Variants in ZNF385B observed in about 807,000 individuals in gnomAD.
ZNF385B encodes the protein zinc finger protein 385B.
Under a neutral mutation model 39.2 loss-of-function variants are expected in ZNF385B, and 23 were observed. That is an observed-to-expected ratio of 0.59 (90% CI 0.42 to 0.83). The LOEUF (loss-of-function observed/expected upper bound fraction) is 0.83. Among genes scored for constraint, ZNF385B ranks in the 40% least tolerant of loss-of-function variants. The pLI, the probability that ZNF385B is intolerant of heterozygous loss-of-function variation, is 0.00. For synonymous variants in ZNF385B, 205 were observed against 222.6 expected, an observed-to-expected ratio of 0.92 and a Z score of 0.70; for missense variants, 552 against 598.9, an observed-to-expected ratio of 0.92 and a Z score of 0.82.
At chr2:179,795,964 A>G (rs1171427598) in intron 1 of ZNF385B, among the ~76,000 whole-genome samples, 1 of 152,234 alleles carries the variant, frequency 6.6e-6, no homozygotes, top group Non-Finnish European at 1.5e-5. Context: ...ACTATAGACT[A>G]TGCCAATTTA....
chr2:179,720,570 G>T (rs562214239), intron 3 of ZNF385B, among the ~76,000 whole-genome samples: 2 of 151,276 alleles, frequency 1.3e-5, no homozygotes, highest in South Asian at 2.1e-4. Flanking sequence ...AGGGAGGAAA[G>T]AAGGGAAAGA....
chr2:179,560,981 T>C (rs1263906019), intron 3 of ZNF385B, among the ~76,000 whole-genome samples: 1 of 152,196 alleles, frequency 6.6e-6, no homozygotes, highest in Non-Finnish European at 1.5e-5. Context: ...CTGCCATACA[T>C]GTGAAGGACA....
At chr2:179,842,473 C>T (rs1207873349) in intron 1 of ZNF385B, among the ~76,000 whole-genome samples, 1 of 152,164 alleles carries the variant, frequency 6.6e-6, no homozygotes, top group Admixed American at 6.5e-5. Flanking sequence ...TATGAGTTTT[C>T]CATTATCCAC....
intron 3 of ZNF385B, among the ~76,000 whole-genome samples, chr2:179,697,779 A>T (rs1237823824): frequency 2.0e-5 from 3 of 152,192 alleles, no homozygotes; most frequent in Admixed American, 1.3e-4. Context: ...TTCTGTAAGG[A>T]ATGAAATCAT....
chr2:179,776,724 G>A (rs1704343917), intron 1 of ZNF385B, among the ~76,000 whole-genome samples: 1 of 152,102 alleles, frequency 6.6e-6, no homozygotes, highest in African/African-American at 2.4e-5. Flanking sequence ...CTACACAGCT[G>A]GTTAAGATGT....
chr2:179,746,354 T>C (rs1702382387), intron 3 of ZNF385B, among the ~76,000 whole-genome samples: 1 of 152,158 alleles, frequency 6.6e-6, no homozygotes. Context: ...GGGACTTCGC[T>C]ATAGACAAAT....
chr2:179,447,576 G>C (rs937746683), intron 6 of ZNF385B, among the ~76,000 whole-genome samples: 2 of 152,116 alleles, frequency 1.3e-5, no homozygotes, highest in African/African-American at 4.8e-5. Context: ...TTCAAGACAG[G>C]CTCTGTTCAG....
At chr2:179,591,623 A>G (rs1397208413) in intron 3 of ZNF385B, among the ~76,000 whole-genome samples, 1 of 152,222 alleles carries the variant, frequency 6.6e-6, no homozygotes, top group Non-Finnish European at 1.5e-5. Context: ...TGGTGACCTC[A>G]GTACTTGGTG....
intron 3 of ZNF385B, among the ~76,000 whole-genome samples, chr2:179,663,983 A>C (rs1694830341): frequency 6.6e-6 from 1 of 152,012 alleles, no homozygotes. Flanking sequence ...AATTAAACTA[A>C]AGTTTTTCTG....
At position 179,557,330 on chromosome 2, in the gene ZNF385B, T is replaced by C. The variant is rs977502640; in HGVS notation, c.299-12361A>G. The stretch of plus-strand genomic sequence containing the variant: ...CATTTTAAAGAGAGTATTCATTTAA[T>C]TAAATGAGATTTTAATTTTACTGTT... On this transcript the variant is annotated intron_variant, in intron 3 of 9. Coordinates refer to ENST00000410066, the MANE Select transcript of ZNF385B (RefSeq NM_152520.6). Among the ~76,000 whole-genome samples the C allele has an allele frequency of 1.6e-4, 24 of 149,480 alleles. 1 individual carries two copies. Among genetic ancestry groups the C allele is most frequent in the African/African-American group, 6.0e-4 (24 of 39,710 alleles).
chr2:179,560,606 C>T (rs1559479821), intron 3 of ZNF385B, among the ~76,000 whole-genome samples: 1 of 152,016 alleles, frequency 6.6e-6, no homozygotes, highest in Non-Finnish European at 1.5e-5. Flanking sequence ...CCATAGTCTC[C>T]CTCTTTCCCA....
At chr2:179,482,302 A>C (rs545107809) in intron 6 of ZNF385B, among the ~76,000 whole-genome samples, 35 of 152,338 alleles carry the variant, frequency 2.3e-4, no homozygotes, top group Non-Finnish European at 4.0e-4. Context: ...AAAGAATCAG[A>C]AATGTGTGTG....
At chr2:179,747,199 C>T (rs188092433) in intron 3 of ZNF385B, among the ~76,000 whole-genome samples, 4 of 152,238 alleles carry the variant, frequency 2.6e-5, no homozygotes, top group South Asian at 4.1e-4. Context: ...CACACATTTA[C>T]GTAACACAGC....
At chr2:179,450,318 C>T (rs1357029983) in intron 6 of ZNF385B, among the ~76,000 whole-genome samples, 1 of 152,110 alleles carries the variant, frequency 6.6e-6, no homozygotes. Context: ...AACAGGCAAC[C>T]TACAGAATGG....
chr2:179,752,706 T>TGTG (rs1702755609), intron 3 of ZNF385B, among the ~76,000 whole-genome samples: 1 of 151,772 alleles, frequency 6.6e-6, no homozygotes, highest in Non-Finnish European at 1.5e-5. Context: ...CATTTTTTCA[T>TGTG]TTGTCTGGCT....
Position 179,583,440 on chromosome 2 carries a change from ATATT to A in ZNF385B, c.299-38475_299-38472del, listed in dbSNP as rs1470606426. 3.3e-5 allele frequency among the ~76,000 whole-genome samples: 5 copies of A among 152,184 alleles called. No individual in the cohort carries two copies. In the East Asian group the frequency reaches 7.7e-4, roughly 23 times the overall value. Reference sequence around the variant, plus strand: ...GTAACATTTATTGAGGACTTGCTATATATTAAGTACTTTATATATTTTCATTTAT... The same window carrying A: ...GTAACATTTATTGAGGACTTGCTATAAAGTACTTTATATATTTTCATTTAT... On this transcript the variant is annotated intron_variant, in intron 3 of 9. Transcript: ENST00000410066.
chr2:179,559,283 A>C lies in ZNF385B; in HGVS notation c.299-14314T>G, dbSNP rs142317099. ...TGAGCTCACCCTTTTCCTGAGAAACATGGAGTGTTCTGTGACCCAAGGAAT... is the reference window on the plus strand; with the variant it reads ...TGAGCTCACCCTTTTCCTGAGAAACCTGGAGTGTTCTGTGACCCAAGGAAT... On this transcript the variant is annotated intron_variant, in intron 3 of 9. Coordinates refer to ENST00000410066, the MANE Select transcript of ZNF385B (RefSeq NM_152520.6). Among the ~76,000 whole-genome samples the C allele has an allele frequency of 5.5e-4, 84 of 152,198 alleles. 1 individual carries two copies. The highest frequency in any genetic ancestry group is 2.0e-3 in the African/African-American group (82 of 41,526).
Position 179,805,719 on chromosome 2 carries a change from A to G in ZNF385B, c.-154-35047T>C, listed in dbSNP as rs1052228350. On this transcript the variant is annotated intron_variant, in intron 1 of 9. Coordinates refer to ENST00000410066, the MANE Select transcript of ZNF385B (RefSeq NM_152520.6). ...TAAATGAATATGTAAAAAACATAGA[A>G]TGGTGCCTGGCATTCAGTAAGACCT... Among the ~76,000 whole-genome samples, 3 of 152,304 alleles carry G rather than the reference A, an allele frequency of 2.0e-5. No homozygotes were observed. The South Asian group carries it at 6.2e-4, about 32-fold the overall frequency.
At chr2:179,665,356 T>A (rs2106288330) in intron 3 of ZNF385B, among the ~76,000 whole-genome samples, 1 of 152,360 alleles carries the variant, frequency 6.6e-6, no homozygotes, top group South Asian at 2.1e-4. Context: ...CATCAGAAGC[T>A]TTCAGAGAGG....
Sources: allele counts gnomAD v4.1 joint callset (sites outside exome capture counted in the v4.1 genomes callset), GRCh38; gene constraint gnomAD v4.1.1; transcripts MANE v1.5; gene names NCBI Gene and HGNC (gene_info 2026-07-23, HGNC 2026-07-21).